The following ATG3 variants were observed in gnomAD, a reference collection of about 807,000 sequenced individuals.
ATG3 encodes ubiquitin-like-conjugating enzyme ATG3.
ATG3 carries 25 observed loss-of-function variants against 50.7 expected under a neutral mutation model. That is an observed-to-expected ratio of 0.49 (90% CI 0.36 to 0.69). The LOEUF is 0.69. Among genes scored for constraint, ATG3 ranks in the 30% least tolerant of loss-of-function variants. The pLI is 0.00. For synonymous variants in ATG3, 119 were observed against 125.5 expected (o/e 0.95, Z 0.34); for missense variants, 281 against 376.0 (o/e 0.75, Z 2.09).
Position 112,542,738 on chromosome 3 carries a change from T to C in ATG3, c.394-854A>G, listed in dbSNP as rs188494627. Among the ~76,000 whole-genome samples, 10 of 152,186 alleles carry C rather than the reference T, an allele frequency of 6.6e-5. No individual in the cohort carries two copies. The East Asian group carries it at 1.9e-3, about 29-fold the overall frequency. ...GATATTTATACTTGATAAAGTAGAATAGAAATTGACAACCAAGATTAATAC... is the reference window on the plus strand; with the variant it reads ...GATATTTATACTTGATAAAGTAGAACAGAAATTGACAACCAAGATTAATAC... On this transcript the variant is annotated intron_variant, in intron 6 of 11. Transcript: ENST00000283290.
rs1933745075 is a variant in ATG3 at position 112,558,397 on chromosome 3, T to G, written c.93A>C (p.Thr31=). ...PVLKESKFKE[T]GVITPEEFVA... is the part of the protein sequence containing the mutation. The stretch of plus-strand genomic sequence containing the variant: ...TCACCTCTTCTGGGGTAATTACACC[T>G]GTTTCCTTAAACTTTGATTCCTAAA... The change falls in exon 2 of 12, where the codon ACA becomes ACC. Residue 31 remains threonine, a synonymous_variant. Transcript: ENST00000283290. 1 of 1,604,386 alleles carries G rather than the reference T, an allele frequency of 6.2e-7. No individual in the cohort carries two copies. Among genetic ancestry groups the G allele is most frequent in the Non-Finnish European group, 8.5e-7 (1 of 1,171,676 alleles).
intron 1 of ATG3, among the ~76,000 whole-genome samples, chr3:112,561,144 T>G (rs1445510848): frequency 2.6e-5 from 4 of 152,216 alleles, no homozygotes; most frequent in Non-Finnish European, 5.9e-5. Context: ...TTCCAGTGTT[T>G]GGATTTAACG....
chr3:112,554,057 A>T (rs1933598610), intron 2 of ATG3, among the ~76,000 whole-genome samples: 1 of 152,214 alleles, frequency 6.6e-6, no homozygotes, highest in Non-Finnish European at 1.5e-5. Context: ...CAGGGAGATA[A>T]ACTTTAACCA....
intron 2 of ATG3, among the ~76,000 whole-genome samples, chr3:112,555,365 C>G (rs1369604415): frequency 1.3e-5 from 2 of 152,168 alleles, no homozygotes; most frequent in Non-Finnish European, 2.9e-5. Flanking sequence ...CTCTTAGAGA[C>G]TAAAAATGTT....
intron 1 of ATG3, among the ~76,000 whole-genome samples, chr3:112,560,563 A>T (rs1333430774): frequency 1.3e-5 from 2 of 152,184 alleles, no homozygotes; most frequent in African/African-American, 4.8e-5. Context: ...ATTCTAACTG[A>T]AAGCTTAAAA....
chr3:112,555,598 T>C lies in ATG3; in HGVS notation c.115-2269A>G, dbSNP rs76885883. On this transcript the variant is annotated intron_variant, in intron 2 of 11. Coordinates refer to ENST00000283290, the MANE Select transcript of ATG3 (RefSeq NM_022488.5). ...TTTAAGCACAATACTGCCACACCTC[T>C]GAATGAAAACAAAAAGATAGCTGAT... Among the ~76,000 whole-genome samples, 28 of 152,276 alleles carry C rather than the reference T, an allele frequency of 1.8e-4. No individual in the cohort carries two copies. The East Asian group carries it at 5.4e-3, about 29-fold the overall frequency.
intron 5 of ATG3, among the ~76,000 whole-genome samples, chr3:112,547,527 C>G (rs1933401027): frequency 6.6e-6 from 1 of 152,132 alleles, no homozygotes; most frequent in African/African-American, 2.4e-5. Context: ...TTCATCAAAA[C>G]TAAGTAATAA....
intron 2 of ATG3, 106 bp downstream of exon 2, chr3:112,558,270 C>A: frequency 1.2e-6 from 1 of 817,358 alleles, no homozygotes; most frequent in South Asian, 1.8e-5. Flanking sequence ...CCTAATTTTA[C>A]TCAAATCAAA....
At chr3:112,545,642 G>T (rs1933349654) in intron 5 of ATG3, among the ~76,000 whole-genome samples, 1 of 152,090 alleles carries the variant, frequency 6.6e-6, no homozygotes, top group African/African-American at 2.4e-5. Flanking sequence ...CATACGAATT[G>T]ACTGCGGAAC....
intron 1 of ATG3, 34 bp from the exon 2 acceptor site, chr3:112,558,451 C>T (rs756669395): frequency 6.8e-7 from 1 of 1,465,436 alleles, no homozygotes; most frequent in South Asian, 1.2e-5. Flanking sequence ...AATATTATAT[C>T]ATGTTTCACT....
At chr3:112,558,337 T>C in intron 2 of ATG3, 39 bp downstream of exon 2, 1 of 1,481,648 alleles carries the variant, frequency 6.7e-7, no homozygotes, top group Non-Finnish European at 9.3e-7. Context: ...TTAGTATTAT[T>C]GTAAAATAAA....
At chr3:112,560,321 T>C (rs919359597) in intron 1 of ATG3, among the ~76,000 whole-genome samples, 5 of 152,236 alleles carry the variant, frequency 3.3e-5, no homozygotes, top group African/African-American at 7.2e-5. Flanking sequence ...AATCTTAAAA[T>C]GACTTTCACA....
intron 6 of ATG3, 137 bp downstream of exon 6, chr3:112,543,920 G>A: frequency 1.8e-6 from 1 of 563,070 alleles, no homozygotes; most frequent in Middle Eastern, 4.3e-4. Flanking sequence ...AAAACAGCTG[G>A]AATTTAAAAG....
At chr3:112,536,807 G>A (rs1933065862) in intron 9 of ATG3, 1 of 378,226 alleles carries the variant, frequency 2.6e-6, no homozygotes, top group Non-Finnish European at 4.8e-6. Flanking sequence ...TGTGGTCCCA[G>A]CTACTCAGGA....
At chr3:112,553,486 C>T (rs553630615) in intron 2 of ATG3, among the ~76,000 whole-genome samples, 157 bp from the exon 3 acceptor site, 155 of 152,270 alleles carry the variant, frequency 1.0e-3, no homozygotes, top group African/African-American at 3.5e-3. Flanking sequence ...GCTCTACCAG[C>T]CTCAAGATTT....
chr3:112,557,393 G>A (rs1448366743), intron 2 of ATG3, among the ~76,000 whole-genome samples: 1 of 152,198 alleles, frequency 6.6e-6, no homozygotes, highest in East Asian at 1.9e-4. Context: ...CCCGAGGCAG[G>A]CGGATCACGA....
In ATG3 at chr3:112,537,686, C is replaced by T. The variant is rs201608124; in HGVS notation, c.666+49G>A. The T allele has an allele frequency of 4.9e-5, 68 of 1,392,596 alleles. No individual in the cohort carries two copies. In the South Asian group the frequency reaches 5.4e-4, roughly 11 times the overall value. The allele number at this position is 1,392,596 out of a possible 1,614,324, so 86.3% of individuals were successfully genotyped here. ...GACCTAATGAAGAAGAAATTAAAAC[C>T]CAACAATTTAAAATATTGATATTAA... On this transcript the variant is annotated intron_variant, in intron 9 of 11. Coordinates refer to ENST00000283290, the MANE Select transcript of ATG3 (RefSeq NM_022488.5).
chr3:112,558,986 G>A (rs1004002752), intron 1 of ATG3, among the ~76,000 whole-genome samples: 2 of 152,030 alleles, frequency 1.3e-5, no homozygotes, highest in African/African-American at 4.8e-5. Flanking sequence ...TGATCCACCC[G>A]CCTCGGCCTC....
At chr3:112,553,051 T>A (rs548934724) in intron 3 of ATG3, among the ~76,000 whole-genome samples, 2 of 152,300 alleles carry the variant, frequency 1.3e-5, no homozygotes, top group African/African-American at 4.8e-5. Flanking sequence ...GTAAATGCAT[T>A]TTTCTCAAAT....
Sources: allele counts gnomAD v4.1 joint callset (sites outside exome capture counted in the v4.1 genomes callset), GRCh38; gene constraint gnomAD v4.1.1; transcripts MANE v1.5; gene names NCBI Gene and HGNC (gene_info 2026-07-23, HGNC 2026-07-21).